The following FOXK1 variants were observed in gnomAD, a reference collection of about 807,000 sequenced individuals.
FOXK1 encodes forkhead box K1.
A neutral mutation model predicts 51.9 loss-of-function variants in FOXK1; 19 were observed. The ratio of observed to expected loss-of-function variants is 0.37; its 90% CI spans 0.26 to 0.54. The LOEUF is 0.54. Ranked by LOEUF, FOXK1 falls within the 20% of genes least tolerant of loss-of-function variation. The probability of loss-of-function intolerance (pLI) is 0.87; values close to 1 mark genes in which losing one functional copy is unlikely to be tolerated. For missense variants in FOXK1, 870 were observed against 1,032.7 expected, an observed-to-expected ratio of 0.84 and a Z score of 2.16; for synonymous variants, 537 against 482.6, an observed-to-expected ratio of 1.11 and a Z score of -1.48.
chr7:4,689,273 C>T (rs886906317), intron 1 of FOXK1, among the ~76,000 whole-genome samples: 2 of 152,128 alleles, frequency 1.3e-5, no homozygotes, highest in Non-Finnish European at 2.9e-5. Flanking sequence ...CCACTGCACC[C>T]GGCCACCGGT....
intron 1 of FOXK1, among the ~76,000 whole-genome samples, chr7:4,714,660 T>C (rs987859787): frequency 3.3e-5 from 5 of 152,242 alleles, no homozygotes; most frequent in African/African-American, 1.2e-4. Context: ...CTTTGCTTTG[T>C]TTTTTCAAGG....
chr7:4,712,625 A>G (rs868088292), intron 1 of FOXK1, among the ~76,000 whole-genome samples: 5 of 152,170 alleles, frequency 3.3e-5, no homozygotes, highest in Admixed American at 3.3e-4. Context: ...GCAGTCTCGA[A>G]AAGACTGGTC....
At chr7:4,737,964 A>C (rs1405688824) in intron 1 of FOXK1, among the ~76,000 whole-genome samples, 1 of 151,944 alleles carries the variant, frequency 6.6e-6, no homozygotes, top group East Asian at 1.9e-4. Flanking sequence ...CTCTACTAAA[A>C]ATACAAAATT....
intron 1 of FOXK1, among the ~76,000 whole-genome samples, chr7:4,704,603 G>A (rs1428626658): frequency 6.6e-6 from 1 of 152,076 alleles, no homozygotes; most frequent in Non-Finnish European, 1.5e-5. Context: ...GATAAGCTAA[G>A]CTGGGATCCA....
At chr7:4,739,252 G>A (rs1439315381) in intron 1 of FOXK1, among the ~76,000 whole-genome samples, 1 of 152,114 alleles carries the variant, frequency 6.6e-6, no homozygotes, top group African/African-American at 2.4e-5. Context: ...AATGCCTTCG[G>A]GAACTCTGAA....
At chr7:4,710,894 T>A (rs1296178384) in intron 1 of FOXK1, among the ~76,000 whole-genome samples, 1 of 152,150 alleles carries the variant, frequency 6.6e-6, no homozygotes, top group African/African-American at 2.4e-5. Flanking sequence ...TTGTTGTGAC[T>A]CTTGTTCCTT....
At chr7:4,720,867 C>T (rs956852949) in intron 1 of FOXK1, among the ~76,000 whole-genome samples, 2 of 151,688 alleles carry the variant, frequency 1.3e-5, no homozygotes, top group Non-Finnish European at 1.5e-5. Flanking sequence ...TAGAGACATG[C>T]ACCACCACGC....
chr7:4,746,268 C>G (rs1280347066), intron 2 of FOXK1, among the ~76,000 whole-genome samples: 1 of 152,202 alleles, frequency 6.6e-6, no homozygotes, highest in Non-Finnish European at 1.5e-5. Context: ...AGATAACATT[C>G]AGTCCTAACT....
At chr7:4,708,277 C>T (rs1305558322) in intron 1 of FOXK1, among the ~76,000 whole-genome samples, 2 of 152,088 alleles carry the variant, frequency 1.3e-5, no homozygotes, top group Admixed American at 1.3e-4. Flanking sequence ...AATGAGTCCC[C>T]GATGCTTTGT....
rs1457568879 is a variant in FOXK1, at chr7:4,762,336, G to T, written c.2074G>T (p.Ala692Ser). The T allele has an allele frequency of 6.4e-7, 1 of 1,550,792 alleles. No homozygotes were observed. The highest frequency in any genetic ancestry group is 1.4e-5 in the African/African-American group (1 of 73,022). Residue 692 changes from alanine to serine, a missense_variant, in exon 9 of 9, where the codon GCC (alanine) becomes TCC (serine). Ala to Ser is a moderately conservative substitution (Grantham distance 99, BLOSUM62 1). This residue lies in a region of FOXK1 where 457 missense variants were observed against 510.8 expected (regional missense o/e 0.89). Coordinates refer to ENST00000328914, the MANE Select transcript of FOXK1 (RefSeq NM_001037165.2). This position sits in a 1 kb window ranked among gnomAD's most constrained non-coding sequence, Gnocchi z 5.7. The stretch of plus-strand genomic sequence containing the variant: ...CCCAGCCACTGCCACCACCGCCTCT[G>T]CCTCCGCCTCTTCCACTGGAGAGCC... ...TTPATATTAS[A>S]SASSTGEPEV...
rs10272944 is a variant in FOXK1 at position 4,761,372 on chromosome 7, G to C, written c.1921+84G>C. The stretch of plus-strand genomic sequence containing the variant: ...AGTGCGGCATGAGAATGTTCTCCCA[G>C]TATCTCCCGATCCTCCACTCAGTTC... On this transcript the variant is annotated intron_variant, in intron 8 of 8. Transcript: ENST00000328914. This position sits in a 1 kb window ranked among gnomAD's most constrained non-coding sequence, Gnocchi z 6.2. 27 of 1,310,480 alleles carry C rather than the reference G, an allele frequency of 2.1e-5. No individual in the cohort carries two copies. In the African/African-American group the frequency reaches 3.9e-4, roughly 19 times the overall value. The allele number at this position is 1,310,480 out of a possible 1,614,324, so 81.2% of individuals were successfully genotyped here.
chr7:4,723,600 G>A lies in FOXK1; in HGVS notation c.561-17238G>A, dbSNP rs1047397769. Among the ~76,000 whole-genome samples, 1 of 152,124 alleles carries A rather than the reference G, an allele frequency of 6.6e-6. No individual in the cohort carries two copies. The highest frequency in any genetic ancestry group is 1.5e-5 in the Non-Finnish European group (1 of 68,024). On this transcript the variant is annotated intron_variant, in intron 1 of 8. Coordinates refer to ENST00000328914, the MANE Select transcript of FOXK1 (RefSeq NM_001037165.2). The surrounding 1 kb of genome is among the most constrained non-coding windows in gnomAD (Gnocchi z 4.7). ...CTCCTCGCCGTGGTACAATCGCCAC[G>A]GCACAGGACCGAGCGTGGAGAGTTG...
chr7:4,746,071 G>A (rs978396692), intron 2 of FOXK1, among the ~76,000 whole-genome samples: 12 of 152,122 alleles, frequency 7.9e-5, no homozygotes, highest in African/African-American at 2.7e-4. Flanking sequence ...GCTCATGAGG[G>A]CAAGACTTCA....
At chr7:4,712,518 C>A (rs928155526) in intron 1 of FOXK1, among the ~76,000 whole-genome samples, 2 of 152,144 alleles carry the variant, frequency 1.3e-5, no homozygotes, top group African/African-American at 4.8e-5. Flanking sequence ...TCAGAGGCAG[C>A]TGAACCCATT....
intron 1 of FOXK1, among the ~76,000 whole-genome samples, chr7:4,717,849 C>T (rs1489727979): frequency 1.3e-5 from 2 of 152,170 alleles, no homozygotes; most frequent in Non-Finnish European, 2.9e-5. Flanking sequence ...CGACCACCGC[C>T]GTGTGTTGCC....
intron 1 of FOXK1, among the ~76,000 whole-genome samples, chr7:4,686,261 C>T (rs1207907853): frequency 6.6e-6 from 1 of 152,106 alleles, no homozygotes. Flanking sequence ...TGTTGGTGCC[C>T]ACACCATTTT....
chr7:4,746,563 C>T (rs762263195), intron 2 of FOXK1, among the ~76,000 whole-genome samples: 1 of 151,870 alleles, frequency 6.6e-6, no homozygotes, highest in Non-Finnish European at 1.5e-5. Flanking sequence ...TGGCTCATGT[C>T]TTTAGACCCA....
chr7:4,752,483 G>A (rs1284837177), intron 2 of FOXK1, among the ~76,000 whole-genome samples: 2 of 152,230 alleles, frequency 1.3e-5, no homozygotes, highest in Non-Finnish European at 2.9e-5. Context: ...AATAACTGCT[G>A]GGAACAGGAG....
intron 7 of FOXK1, chr7:4,760,062 G>GC: frequency 5.9e-6 from 1 of 170,310 alleles, no homozygotes. Context: ...CTCCGCAGAT[G>GC]TGTCCTTCCT....
Sources: allele counts gnomAD v4.1 joint callset (sites outside exome capture counted in the v4.1 genomes callset), GRCh38; gene constraint gnomAD v4.1.1; regional missense constraint gnomAD v4.1.1; non-coding constraint Gnocchi (gnomAD v3.1); transcripts MANE v1.5; gene names NCBI Gene and HGNC (gene_info 2026-07-23, HGNC 2026-07-21).